Variants in KLHL32 observed in about 807,000 individuals in gnomAD.
KLHL32 encodes kelch like family member 32.
In KLHL32, 35 loss-of-function variants were observed where a neutral mutation model predicts 64.8. The ratio of observed to expected loss-of-function variants is 0.54; its 90% CI spans 0.41 to 0.72. The LOEUF is 0.72. KLHL32 is among the 30% of genes least tolerant of loss of function. The pLI, the probability that KLHL32 is intolerant of heterozygous loss-of-function variation, is 0.00. For synonymous variants in KLHL32, 259 were observed against 281.0 expected (o/e 0.92, Z 0.78); for missense variants, 589 against 768.5 (o/e 0.77, Z 2.76).
At chr6:96,933,714 C>T (rs184794774) in intron 1 of KLHL32, among the ~76,000 whole-genome samples, 22 of 152,292 alleles carry the variant, frequency 1.4e-4, no homozygotes, top group Non-Finnish European at 2.9e-4. Context: ...TCCCAGGAGC[C>T]AGCCACATGT....
intron 7 of KLHL32, among the ~76,000 whole-genome samples, chr6:97,115,981 T>C (rs1187147685): frequency 9.6e-6 from 1 of 104,090 alleles, no homozygotes; most frequent in Non-Finnish European, 1.9e-5. Context: ...TTAAATTCAT[T>C]TGGACTTTGA....
intron 1 of KLHL32, among the ~76,000 whole-genome samples, chr6:96,930,705 C>A (rs747282817): frequency 2.0e-5 from 3 of 152,014 alleles, no homozygotes; most frequent in African/African-American, 7.2e-5. Context: ...TGATGCAGTA[C>A]GCTGCTTAGA....
At chr6:97,033,533 A>AT (rs1263772282) in intron 3 of KLHL32, among the ~76,000 whole-genome samples, 1 of 152,078 alleles carries the variant, frequency 6.6e-6, no homozygotes, top group African/African-American at 2.4e-5. Flanking sequence ...TTTTCTTTGC[A>AT]TACATACCCA....
Position 96,925,443 on chromosome 6 carries a change from G to A in KLHL32, c.-66+417G>A, listed in dbSNP as rs1188815030. Among the ~76,000 whole-genome samples the A allele has an allele frequency of 2.0e-5, 3 of 152,170 alleles. No individual in the cohort carries two copies. The East Asian group carries it at 5.8e-4, about 29-fold the overall frequency. ...GCGGTTTCATTCAACTTCAAGAAAA[G>A]CCGTAATTGCACTATATGGTATGCT... On this transcript the variant is annotated intron_variant, in intron 1 of 10. Coordinates refer to ENST00000369261, the MANE Select transcript of KLHL32 (RefSeq NM_052904.4).
At chr6:97,043,422 C>T (rs1785427646) in intron 4 of KLHL32, among the ~76,000 whole-genome samples, 1 of 150,708 alleles carries the variant, frequency 6.6e-6, no homozygotes, top group South Asian at 2.1e-4. Flanking sequence ...AGCTAAATAG[C>T]AGTATGTTGT....
chr6:97,124,233 G>A (rs1185709547), intron 7 of KLHL32, among the ~76,000 whole-genome samples: 1 of 152,162 alleles, frequency 6.6e-6, no homozygotes, highest in Admixed American at 6.5e-5. Flanking sequence ...GCAGCACTAG[G>A]TTTGTTAGGC....
chr6:97,054,871 A>G (rs1787546148), intron 4 of KLHL32, among the ~76,000 whole-genome samples: 1 of 152,128 alleles, frequency 6.6e-6, no homozygotes, highest in South Asian at 2.1e-4. Context: ...CCCGGGAGGC[A>G]GAGGATGCAT....
intron 10 of KLHL32, among the ~76,000 whole-genome samples, chr6:97,138,310 G>A (rs1800279208): frequency 6.6e-6 from 1 of 152,164 alleles, no homozygotes; most frequent in Admixed American, 6.5e-5. Context: ...AGGCTGAGGT[G>A]GAAGGATTGC....
chr6:97,001,155 T>A (rs558728335), intron 3 of KLHL32, among the ~76,000 whole-genome samples: 2 of 152,060 alleles, frequency 1.3e-5, no homozygotes, highest in African/African-American at 4.8e-5. Context: ...ACACCAGGAG[T>A]GAACCCTAAC....
chr6:96,901,112 C>G, the KLHL32 span, among the ~76,000 whole-genome samples: 1 of 152,286 alleles, frequency 6.6e-6, no homozygotes, highest in East Asian at 1.9e-4. Context: ...AATGATCAAC[C>G]AGCAATTATG....
intron 2 of KLHL32, among the ~76,000 whole-genome samples, chr6:96,973,371 A>G (rs1175214457): frequency 6.6e-6 from 1 of 152,204 alleles, no homozygotes; most frequent in African/African-American, 2.4e-5. Context: ...AAACTTTTTA[A>G]GGCAATTATC....
At chr6:96,975,408 G>C (rs7454579) in intron 2 of KLHL32, among the ~76,000 whole-genome samples, 118,177 of 152,162 alleles carry the variant, frequency 0.78, 46,831 homozygotes, top group African/African-American at 0.94. Context: ...CACAATTTCC[G>C]AAGTTTAATA....
chr6:97,059,429 ACTGAATTCTAGCCAGTATTG>A (rs1030935826), intron 4 of KLHL32, among the ~76,000 whole-genome samples: 4 of 152,238 alleles, frequency 2.6e-5, no homozygotes, highest in African/African-American at 9.6e-5. Flanking sequence ...ATAGAGAACT[ACTGAATTCTAGCCAGTATTG>A]CTCAGATGGA....
At chr6:96,999,497 C>T (rs761205439) in intron 3 of KLHL32, 12 of 948,756 alleles carry the variant, frequency 1.3e-5, no homozygotes, top group Non-Finnish European at 1.5e-5. Flanking sequence ...CATCTGTTTT[C>T]ACCATATTTG....
chr6:97,112,149 G>A (rs1797233269), intron 6 of KLHL32, among the ~76,000 whole-genome samples: 2 of 152,008 alleles, frequency 1.3e-5, no homozygotes, highest in Non-Finnish European at 2.9e-5. Flanking sequence ...CCCTCAGTGG[G>A]GACCCATCTT....
intron 9 of KLHL32, among the ~76,000 whole-genome samples, chr6:97,132,006 G>T (rs2128222276): frequency 6.6e-6 from 1 of 152,242 alleles, no homozygotes; most frequent in Admixed American, 6.5e-5. Flanking sequence ...AAGAATATGT[G>T]GTAGTGAGTT....
intron 1 of KLHL32, among the ~76,000 whole-genome samples, chr6:96,938,809 A>G (rs747737526): frequency 1.3e-5 from 2 of 152,162 alleles, no homozygotes; most frequent in Non-Finnish European, 2.9e-5. Context: ...CAGTATAATC[A>G]TGTGACCCAC....
chr6:97,110,744 T>G (rs1031783160), intron 6 of KLHL32, among the ~76,000 whole-genome samples: 1 of 152,204 alleles, frequency 6.6e-6, no homozygotes, highest in Non-Finnish European at 1.5e-5. Flanking sequence ...CAGGATATTT[T>G]CCTTGACAGC....
chr6:97,063,634 C>T (rs994794353), intron 4 of KLHL32, among the ~76,000 whole-genome samples: 41 of 152,154 alleles, frequency 2.7e-4, no homozygotes, highest in African/African-American at 9.9e-4. Flanking sequence ...ACTAGTGCCT[C>T]CCTGTGCATC....
Sources: allele counts gnomAD v4.1 joint callset (sites outside exome capture counted in the v4.1 genomes callset), GRCh38; gene constraint gnomAD v4.1.1; transcripts MANE v1.5; gene names NCBI Gene and HGNC (gene_info 2026-07-23, HGNC 2026-07-21).